The following SERBP1 variants were observed in gnomAD, a reference collection of about 807,000 sequenced individuals.
The protein encoded by SERBP1 is SERPINE1 mRNA binding protein 1.
SERBP1 carries 6 observed loss-of-function variants against 50.2 expected under a neutral mutation model. The observed-to-expected ratio is 0.12, with a 90% CI of 0.07 to 0.24. The LOEUF (loss-of-function observed/expected upper bound fraction) is 0.24. Ranked by LOEUF, SERBP1 falls within the 10% of genes least tolerant of loss-of-function variation. SERBP1 has a pLI of 1.00. For missense variants in SERBP1, 346 were observed against 524.9 expected (o/e 0.66, Z 3.33); for synonymous variants, 168 against 182.8 (o/e 0.92, Z 0.65).
At chr1:67,423,861 C>T (rs779206674) in intron 5 of SERBP1, among the ~76,000 whole-genome samples, 1 of 151,886 alleles carries the variant, frequency 6.6e-6, no homozygotes, top group East Asian at 1.9e-4. Context: ...TTTTTCAAAG[C>T]GTTAGAGTCA....
At chr1:67,417,976 T>TG (rs1380040815) in intron 6 of SERBP1, among the ~76,000 whole-genome samples, 1 of 136,924 alleles carries the variant, frequency 7.3e-6, no homozygotes, top group Admixed American at 7.3e-5. Context: ...GTGTTGTTTT[T>TG]TTTTTTTTTT....
chr1:67,424,107 CAAGT>C, intron 5 of SERBP1, 89 bp downstream of exon 5: 1 of 1,300,750 alleles, frequency 7.7e-7, no homozygotes, highest in Non-Finnish European at 1.0e-6. Context: ...AAAAAGCCAT[CAAGT>C]AACAGCATTA....
chr1:67,427,038 C>T (rs192081552), intron 1 of SERBP1, among the ~76,000 whole-genome samples: 127 of 152,298 alleles, frequency 8.3e-4, no homozygotes, highest in African/African-American at 2.9e-3. Context: ...TTTGTACACA[C>T]TCCCACATCC....
At chr1:67,423,249 A>C (rs1184765600) in intron 5 of SERBP1, among the ~76,000 whole-genome samples, 1 of 151,884 alleles carries the variant, frequency 6.6e-6, no homozygotes, top group African/African-American at 2.4e-5. Flanking sequence ...CAGTGAGCCG[A>C]CAGTGCCACT....
chr1:67,427,074 G>A (rs1366063890), intron 1 of SERBP1, among the ~76,000 whole-genome samples: 2 of 152,130 alleles, frequency 1.3e-5, no homozygotes, highest in East Asian at 1.9e-4. Context: ...TTAGGAAACA[G>A]TTACTTATTA....
Position 67,409,443 on chromosome 1 carries a change from G to C in SERBP1, c.*3764C>G, listed in dbSNP as rs1179430657. The C allele has an allele frequency of 7.0e-6, 1 of 142,758 alleles. No individual in the cohort carries two copies. Among genetic ancestry groups the C allele is most frequent in the Admixed American group, 7.1e-5 (1 of 13,996 alleles). The allele number at this position is 142,758 out of a possible 1,614,324, so 8.8% of individuals were successfully genotyped here. On this transcript the variant is annotated 3_prime_UTR_variant, in exon 8 of 8. Coordinates refer to ENST00000361219, the MANE Select transcript of SERBP1 (RefSeq NM_001018069.2). Reference sequence around the variant, plus strand: ...CACCCCCACACACACCAGGTCACAGGCTGAACTTTGCTGACCCCTGGCTTA... The same window carrying C: ...CACCCCCACACACACCAGGTCACAGCCTGAACTTTGCTGACCCCTGGCTTA...
intron 6 of SERBP1, among the ~76,000 whole-genome samples, chr1:67,419,028 C>T (rs1557503147): frequency 6.6e-6 from 1 of 152,170 alleles, no homozygotes; most frequent in Non-Finnish European, 1.5e-5. Context: ...TAAGAACACA[C>T]CCCAAAGCTT....
At position 67,411,234 on chromosome 1, in the gene SERBP1, C is replaced by A. The variant is rs1318737118; in HGVS notation, c.*1973G>T. On this transcript the variant is annotated 3_prime_UTR_variant, in exon 8 of 8. Transcript: ENST00000361219. ...AAAGCTTGCAACATACCAGATATTGCTATGTTGTCTCTCACGACAGCAATG... is the reference window on the plus strand; with the variant it reads ...AAAGCTTGCAACATACCAGATATTGATATGTTGTCTCTCACGACAGCAATG... 2 of 152,070 alleles carry A rather than the reference C, an allele frequency of 1.3e-5. No individual in the cohort carries two copies. Among genetic ancestry groups the A allele is most frequent in the Non-Finnish European group, 2.9e-5 (2 of 67,998 alleles). 9.4% of individuals were successfully genotyped at this position (152,070 alleles called of 1,614,324 possible). A position where few individuals can be genotyped will look rare whatever the true frequency, so the allele number is the denominator to read the frequency against.
chr1:67,419,603 A>C, intron 6 of SERBP1, among the ~76,000 whole-genome samples: 1 of 152,120 alleles, frequency 6.6e-6, no homozygotes, highest in South Asian at 2.1e-4. Flanking sequence ...AGTCACTTAC[A>C]TTTTAGGTTA....
At chr1:67,425,480 T>C (rs942829096) in intron 2 of SERBP1, among the ~76,000 whole-genome samples, 4 of 152,256 alleles carry the variant, frequency 2.6e-5, no homozygotes, top group African/African-American at 9.6e-5. Context: ...TGCTATTCAT[T>C]GCACATATAA....
At position 67,415,196 on chromosome 1, in the gene SERBP1, C is replaced by A. The variant is rs1277134822; in HGVS notation, c.1095G>T (p.Gly365=). Reference sequence around the variant, plus strand: ...CGGTCCTGCTGCCACGGTTTGGGCGCCCACCACGCCCACGTCCACCTCGTC... The same window carrying A: ...CGGTCCTGCTGCCACGGTTTGGGCGACCACCACGCCCACGTCCACCTCGTC... ...RGGRGGRGRG[G]RPNRGSRTDK... The change falls in exon 7 of 8, where the codon GGG becomes GGT. Residue 365 remains glycine (G), a synonymous_variant. Transcript: ENST00000361219. 2.5e-6 allele frequency: 4 copies of A among 1,601,370 alleles called. No individual in the cohort carries two copies. The highest frequency in any genetic ancestry group is 3.4e-6 in the Non-Finnish European group (4 of 1,175,998).
At chr1:67,429,571 G>C (rs1207178569) in intron 1 of SERBP1, 1 of 166,494 alleles carries the variant, frequency 6.0e-6, no homozygotes, top group Non-Finnish European at 1.3e-5. Flanking sequence ...GCTCTGCGCA[G>C]TAAGCAGCGA....
rs1666710024 is a variant in SERBP1 at position 67,408,557 on chromosome 1, GA to G, written c.*4649del. ...CAAAAGCTAAATTCTGTCCAAATGG[GA>G]ATTCTAAGCTCAAAAAAAAAAAAAA... On this transcript the variant is annotated 3_prime_UTR_variant, in exon 8 of 8. Transcript: ENST00000361219. 1.6e-5 allele frequency: 2 copies of G among 121,734 alleles called. No homozygotes were observed. The highest frequency in any genetic ancestry group is 5.9e-5 in the African/African-American group (2 of 33,868). 7.5% of individuals were successfully genotyped at this position (121,734 alleles called of 1,614,324 possible).
At position 67,414,417 on chromosome 1, in the gene SERBP1, C is replaced by T. The variant is rs367826547; in HGVS notation, c.1125+749G>A. 4.6e-5 allele frequency among the ~76,000 whole-genome samples: 7 copies of T among 152,212 alleles called. No individual in the cohort carries two copies. The South Asian group carries it at 1.5e-3, about 32-fold the overall frequency. ...GAGGAACAAAGTATCATTACACTGG[C>T]AATGGTAAGTTACCCCTGTAATCAT... On this transcript the variant is annotated intron_variant, in intron 7 of 7. Transcript: ENST00000361219.
chr1:67,423,192 C>T (rs192779588), intron 5 of SERBP1, among the ~76,000 whole-genome samples: 130 of 147,118 alleles, frequency 8.8e-4, no homozygotes, highest in Non-Finnish European at 1.5e-3. Context: ...CCAGCTACTC[C>T]AGAGGCTGAG....
chr1:67,424,090 C>T, intron 5 of SERBP1, 110 bp downstream of exon 5: 1 of 1,176,868 alleles, frequency 8.5e-7, no homozygotes, highest in Non-Finnish European at 1.2e-6. Flanking sequence ...TCTCCCTTGT[C>T]AAAAACAAAA....
chr1:67,430,396 G>C lies in SERBP1; in HGVS notation c.-96C>G, dbSNP rs1403750342. 87 of 1,310,210 alleles carry C rather than the reference G, an allele frequency of 6.6e-5. No individual in the cohort carries two copies. The highest frequency in any genetic ancestry group is 8.9e-5 in the Non-Finnish European group (86 of 962,888). The allele number at this position is 1,310,210 out of a possible 1,614,324, so 81.2% of individuals were successfully genotyped here. Reference sequence around the variant, plus strand: ...GCTCTTCCCACAAGATGGCCGGGCCGAGAGAGGGGGGCCGTCTTCTCTTCC... The same window carrying C: ...GCTCTTCCCACAAGATGGCCGGGCCCAGAGAGGGGGGCCGTCTTCTCTTCC... On this transcript the variant is annotated 5_prime_UTR_variant, in exon 1 of 8. Transcript: ENST00000361219.
intron 1 of SERBP1, 128 bp from the exon 2 acceptor site, chr1:67,426,413 G>A (rs1335387129): frequency 2.3e-6 from 2 of 868,564 alleles, no homozygotes; most frequent in Non-Finnish European, 3.3e-6. Context: ...CAAACACTGG[G>A]CAACTCTAAT....
At chr1:67,415,084 A>G (rs1666958790) in intron 7 of SERBP1, 82 bp downstream of exon 7, 2 of 1,408,630 alleles carry the variant, frequency 1.4e-6, no homozygotes, top group African/African-American at 1.5e-5. Context: ...TTATGTTCCC[A>G]AAAGTGACAT....
Sources: gnomAD v4.1 joint callset for allele counts (sites outside exome capture counted in the v4.1 genomes callset) on GRCh38, gnomAD v4.1.1 for gene constraint, MANE v1.5 for transcripts, NCBI Gene and HGNC (gene_info 2026-07-23, HGNC 2026-07-21) for gene names.